The following KLHL17 variants were observed in gnomAD, a reference collection of about 807,000 sequenced individuals.
KLHL17 encodes kelch like family member 17.
KLHL17 carries 71 observed loss-of-function variants against 64.6 expected under a neutral mutation model. The ratio of observed to expected loss-of-function variants is 1.10; its 90% CI spans 0.91 to 1.34. The LOEUF (loss-of-function observed/expected upper bound fraction) is 1.34. KLHL17 is among the 40% of genes most tolerant of loss of function. The pLI, the probability that KLHL17 is intolerant of heterozygous loss-of-function variation, is 0.00. For missense variants in KLHL17, 1,140 were observed against 935.0 expected (o/e 1.22, Z -2.86); for synonymous variants, 612 against 405.4 (o/e 1.51, Z -6.12).
chr1:964,073 G>A, intron 9 of KLHL17, 34 bp from the exon 10 acceptor site: 1 of 1,612,060 alleles, frequency 6.2e-7, no homozygotes, highest in Non-Finnish European at 8.5e-7. Flanking sequence ...CCCACTCCCA[G>A]CAGGAGTGCC....
Position 965,258 on chromosome 1 carries a change from C to G in KLHL17, c.*67C>G. The stretch of plus-strand genomic sequence containing the variant: ...AGGGGACCGTGGCCCCCACCAGGGA[C>G]GTCCTGCGCCATCCGTTCACGTCTC... On this transcript the variant is annotated 3_prime_UTR_variant, in exon 12 of 12. Transcript: ENST00000338591. 1 of 1,300,890 alleles carries G rather than the reference C, an allele frequency of 7.7e-7. No homozygotes were observed. 80.6% of individuals were successfully genotyped at this position (1,300,890 alleles called of 1,614,324 possible).
rs752896220 is a variant in KLHL17, at chr1:962,063, C to T, written c.711+16C>T. ...CCTGAAACAGGTAACAGCTGGCGGG[C>T]CCAGCCCTCGCCCCCCACCCCACCC... On this transcript the variant is annotated intron_variant, in intron 4 of 11. Coordinates refer to ENST00000338591, the MANE Select transcript of KLHL17 (RefSeq NM_198317.3). 11 of 1,606,150 alleles carry T rather than the reference C, an allele frequency of 6.8e-6. No individual in the cohort carries two copies. In the East Asian group the frequency reaches 1.3e-4, roughly 20 times the overall value.
At position 963,490 on chromosome 1, in the gene KLHL17, C is replaced by T. The variant is rs1266983361; in HGVS notation, c.1341C>T (p.Ala447=). The T allele has an allele frequency of 5.0e-6, 8 of 1,608,976 alleles. No homozygotes were observed. The highest frequency in any genetic ancestry group is 2.2e-5 in the East Asian group (1 of 44,766). ...ACTCGGCCGGCGGCTATGACGGGGC[C>T]TCCTGCCTGAACAGGTAGTTGGGGT... ...LLYSAGGYDG[A]SCLNSAERYD... The change falls in exon 8 of 12, where the codon GCC becomes GCT. Residue 447 remains alanine, a synonymous_variant. Transcript: ENST00000338591.
intron 10 of KLHL17, 79 bp downstream of exon 10, chr1:964,259 C>T (rs1642795058): frequency 1.9e-6 from 3 of 1,594,770 alleles, no homozygotes; most frequent in African/African-American, 1.3e-5. Flanking sequence ...ACATCCCCCC[C>T]ATTCCTGACA....
intron 8 of KLHL17, 60 bp downstream of exon 8, chr1:963,564 G>T: frequency 1.3e-6 from 2 of 1,532,100 alleles, no homozygotes; most frequent in Non-Finnish European, 1.8e-6. Context: ...GCAAGTTTGT[G>T]TCACCATCAC....
chr1:962,303 T>G, intron 4 of KLHL17, 52 bp from the exon 5 acceptor site: 1 of 1,609,430 alleles, frequency 6.2e-7, no homozygotes, highest in Non-Finnish European at 8.5e-7. Flanking sequence ...CAGGGCTCCC[T>G]GGGTCCACAG....
In KLHL17 at chr1:961,939, C is replaced by T. The variant is rs376251054; in HGVS notation, c.603C>T (p.Ala201=). 24 of 1,612,790 alleles carry T rather than the reference C, an allele frequency of 1.5e-5. No individual in the cohort carries two copies. Among genetic ancestry groups the T allele is most frequent in the Admixed American group, 6.7e-5 (4 of 60,006 alleles). Residue 201 remains alanine (A), a synonymous_variant, in exon 4 of 12, where the codon GCC becomes GCT. Coordinates refer to ENST00000338591, the MANE Select transcript of KLHL17 (RefSeq NM_198317.3). ...PSNCLGIRGF[A]DAHSCSDLLK... is the part of the protein sequence containing the mutation. Reference sequence around the variant, plus strand: ...ACTGCCTGGGTATCCGGGGCTTTGCCGATGCGCACTCCTGCAGCGACCTGC... The same window carrying T: ...ACTGCCTGGGTATCCGGGGCTTTGCTGATGCGCACTCCTGCAGCGACCTGC...
rs1355443082 is a variant in KLHL17 at position 965,465 on chromosome 1, GC to G, written c.*278del. 2 of 513,712 alleles carry G rather than the reference GC, an allele frequency of 3.9e-6. No individual in the cohort carries two copies. Among genetic ancestry groups the G allele is most frequent in the East Asian group, 6.6e-5 (2 of 30,084 alleles). 31.8% of individuals were successfully genotyped at this position (513,712 alleles called of 1,614,324 possible). A position where few individuals can be genotyped will look rare whatever the true frequency, so the allele number is the denominator to read the frequency against. ...GGAGTGACCAGGCGGGGGCCTCACC[GC>G]CCCAGGGCCGTTGCCTGCTCAGACC... is the stretch of plus-strand genomic sequence containing the variant. On this transcript the variant is annotated 3_prime_UTR_variant, in exon 12 of 12. Transcript: ENST00000338591.
In KLHL17 at chr1:965,259, G is replaced by A. The variant is rs903007138; in HGVS notation, c.*68G>A. On this transcript the variant is annotated 3_prime_UTR_variant, in exon 12 of 12. Transcript: ENST00000338591. ...GGGGACCGTGGCCCCCACCAGGGAC[G>A]TCCTGCGCCATCCGTTCACGTCTCT... The A allele has an allele frequency of 6.5e-5, 85 of 1,303,158 alleles. No individual in the cohort carries two copies. The Admixed American group carries it at 1.2e-3, about 19-fold the overall frequency. 80.7% of individuals were successfully genotyped at this position (1,303,158 alleles called of 1,614,324 possible). A position where few individuals can be genotyped will look rare whatever the true frequency, so the allele number is the denominator to read the frequency against.
rs914329911 is a variant in KLHL17 at position 963,397 on chromosome 1, G to A, written c.1248G>A (p.Trp416Ter). ...VESYDPVTNT[W>*]QPEVSMGTRR... ...CCTACGACCCCGTGACTAACACGTG[G>A]CAGCCGGAGGTGTCCATGGGCACAA... Residue 416 changes from tryptophan (W) to a stop codon, truncating the protein, a stop_gained, in exon 8 of 12, where the codon TGG becomes TGA. Coordinates refer to ENST00000338591, the MANE Select transcript of KLHL17 (RefSeq NM_198317.3). LOFTEE classifies it high-confidence loss of function. 1.1e-5 allele frequency: 17 copies of A among 1,612,576 alleles called. No individual in the cohort carries two copies. Among genetic ancestry groups the A allele is most frequent in the Non-Finnish European group, 1.4e-5 (16 of 1,179,884 alleles).
rs759920198 is a variant in KLHL17, at chr1:963,904, G to T, written c.1356-16G>T. On this transcript the variant is annotated splice_polypyrimidine_tract_variant and intron_variant, in intron 8 of 11. Transcript: ENST00000338591. Reference sequence around the variant, plus strand: ...CTGTCTCTGCTGAGCTGTGGCTGCGGTCCTGGTGCCCACAGTGCTGAACGC... The same window carrying T: ...CTGTCTCTGCTGAGCTGTGGCTGCGTTCCTGGTGCCCACAGTGCTGAACGC... 1.2e-6 allele frequency: 2 copies of T among 1,611,714 alleles called. No individual in the cohort carries two copies. Among genetic ancestry groups the T allele is most frequent in the Non-Finnish European group, 1.7e-6 (2 of 1,179,562 alleles).
Position 961,906 on chromosome 1 carries a change from C to G in KLHL17, c.570C>G (p.Asp190Glu). The G allele has an allele frequency of 1.9e-6, 3 of 1,612,936 alleles. No individual in the cohort carries two copies. The change falls in exon 4 of 12, where the codon GAC (aspartate) becomes GAG (glutamate). Residue 190 changes from aspartate (D) to glutamate (E), a missense_variant. Physicochemically the swap from Asp to Glu is conservative, Grantham distance 45. Transcript: ENST00000338591. ...ACCKFLLSQLDPSNCLGIRGF... is the reference protein window; with the variant it reads ...ACCKFLLSQLEPSNCLGIRGF... ...GCAAGTTTCTACTGAGTCAGCTCGA[C>G]CCCTCCAACTGCCTGGGTATCCGGG...
intron 1 of KLHL17, 26 bp downstream of exon 1, chr1:960,826 G>C: frequency 1.0e-6 from 1 of 993,920 alleles, no homozygotes; most frequent in Non-Finnish European, 1.2e-6. Flanking sequence ...TCGGGGCGCG[G>C]GGGGCGGCCT....
chr1:962,699 C>T lies in KLHL17; in HGVS notation c.829-5C>T, dbSNP rs767300298. On this transcript the variant is annotated splice_polypyrimidine_tract_variant and splice_region_variant and intron_variant, in intron 5 of 11. Coordinates refer to ENST00000338591, the MANE Select transcript of KLHL17 (RefSeq NM_198317.3). ...CGCCTGACCTTGGCGTTCCCTGCAC[C>T]CCAGCTCATGAAGTGTGTGCGGCTG... 1.8e-5 allele frequency: 28 copies of T among 1,585,134 alleles called. 1 individual carries two copies. The highest frequency in any genetic ancestry group is 7.0e-5 in the Admixed American group (4 of 57,316).
rs1169744615 is a variant in KLHL17, at chr1:960,772, C to G, written c.79C>G (p.Pro27Ala). The G allele has an allele frequency of 3.6e-6, 4 of 1,119,064 alleles. No individual in the cohort carries two copies. Among genetic ancestry groups the G allele is most frequent in the Non-Finnish European group, 4.4e-6 (4 of 914,016 alleles). The allele number at this position is 1,119,064 out of a possible 1,614,324, so 69.3% of individuals were successfully genotyped here. ...CAGCCCGGGGCCCGGGCCCGAGGCG[C>G]CGCCGCCTCCACCGCCGCAGCCGCC... The part of the protein sequence containing the change: ...HGSPGPGPEA[P>A]PPPPPQPPAP... The change falls in exon 1 of 12, where the codon CCG (proline) becomes GCG (alanine). Residue 27 changes from proline (P) to alanine (A), a missense_variant. Coordinates refer to ENST00000338591, the MANE Select transcript of KLHL17 (RefSeq NM_198317.3).
chr1:964,309 C>T (rs1642799386), intron 10 of KLHL17, 40 bp from the exon 11 acceptor site: 2 of 1,556,832 alleles, frequency 1.3e-6, no homozygotes, highest in Non-Finnish European at 1.7e-6. Context: ...GGAGGGATGC[C>T]AGTGGCGGGT....
At position 963,356 on chromosome 1, in the gene KLHL17, CT is replaced by C; in HGVS notation, c.1208del (p.Leu403ArgfsTer10). 1 of 1,610,846 alleles carries C rather than the reference CT, an allele frequency of 6.2e-7. No individual in the cohort carries two copies. Among genetic ancestry groups the C allele is most frequent in the Non-Finnish European group, 8.5e-7 (1 of 1,178,442 alleles). On this transcript the variant is annotated frameshift_variant, in exon 8 of 12. Coordinates refer to ENST00000338591, the MANE Select transcript of KLHL17 (RefSeq NM_198317.3). LOFTEE classifies it high-confidence loss of function. ...CGCTAGCTATGATGGGACCTCAGACCTGGCTACCGTGGAGTCCTACGACCCC... is the reference window on the plus strand; with the variant it reads ...CGCTAGCTATGATGGGACCTCAGACCGGCTACCGTGGAGTCCTACGACCCC... Reference protein sequence around the residue: ...AVGGYDGTSDLATVESYDPVT... With the variant: ...AVGGYDGTSDXATVESYDPVT...
intron 11 of KLHL17, 37 bp from the exon 12 acceptor site, chr1:964,926 T>A: frequency 6.8e-7 from 1 of 1,479,508 alleles, no homozygotes; most frequent in Non-Finnish European, 9.3e-7. Flanking sequence ...CCCGCATCCC[T>A]TCCTGCAGCC....
chr1:964,483 T>G lies in KLHL17; in HGVS notation c.1653T>G (p.Ser551Arg), dbSNP rs1642812166. ...GCCTCAACTCGGTAGAGAGATACAGTCCAAAGGCTGGAGCCTGGGAAAGCG... is the reference window on the plus strand; with the variant it reads ...GCCTCAACTCGGTAGAGAGATACAGGCCAAAGGCTGGAGCCTGGGAAAGCG... ...TSCLNSVERYSPKAGAWESVA... is the reference protein window; with the variant it reads ...TSCLNSVERYRPKAGAWESVA... The change falls in exon 11 of 12, where the codon AGT (serine) becomes AGG (arginine). Residue 551 changes from serine to arginine, a missense_variant. Physicochemically the swap from Ser to Arg is moderately radical, Grantham distance 110. Transcript: ENST00000338591. 6.5e-7 allele frequency: 1 copy of G among 1,534,316 alleles called. No homozygotes were observed. Among genetic ancestry groups the G allele is most frequent in the African/African-American group, 1.4e-5 (1 of 69,160 alleles).
Sources: gnomAD v4.1 joint callset for allele counts on GRCh38, gnomAD v4.1.1 for gene constraint, MANE v1.5 for transcripts, NCBI Gene and HGNC (gene_info 2026-07-23, HGNC 2026-07-21) for gene names.